The following JMJD1C variants were observed in gnomAD, a reference collection of about 807,000 sequenced individuals.
The protein encoded by JMJD1C is jumonji domain containing 1C, also known as jumonji domain-containing protein 1C.
JMJD1C carries 31 observed loss-of-function variants against 245.3 expected under a neutral mutation model. That is an observed-to-expected ratio of 0.13 (90% CI 0.09 to 0.17). The LOEUF (loss-of-function observed/expected upper bound fraction) is 0.17, where lower values mean the gene tolerates loss of function less well. Ranked by LOEUF, JMJD1C falls within the 10% of genes least tolerant of loss-of-function variation. JMJD1C has a pLI of 1.00. For synonymous variants in JMJD1C, 1,057 were observed against 1,017.4 expected, an observed-to-expected ratio of 1.04 and a Z score of -0.74; for missense variants, 2,691 against 3,000.2, an observed-to-expected ratio of 0.90 and a Z score of 2.41.
chr10:63,288,537 T>C (rs1489398057), intron 2 of JMJD1C, among the ~76,000 whole-genome samples: 1 of 152,248 alleles, frequency 6.6e-6, no homozygotes, highest in East Asian at 1.9e-4. Context: ...TCTTATGGTC[T>C]AATCTGTTCA....
chr10:63,305,393 T>G (rs1185088408), intron 2 of JMJD1C, among the ~76,000 whole-genome samples: 5 of 138,310 alleles, frequency 3.6e-5, no homozygotes, highest in East Asian at 2.3e-4. Flanking sequence ...ACAAAAAAGG[T>G]TGCAGTGAGC....
At chr10:63,197,333 AC>A in intron 13 of JMJD1C, 77 bp downstream of exon 13, 1 of 1,242,322 alleles carries the variant, frequency 8.0e-7, no homozygotes, top group South Asian at 1.4e-5. Flanking sequence ...GAATAAAAAA[AC>A]ACATCTCATG....
intron 1 of JMJD1C, among the ~76,000 whole-genome samples, chr10:63,513,688 G>A (rs1286007782): frequency 3.9e-5 from 6 of 152,042 alleles, no homozygotes; most frequent in South Asian, 2.1e-4. Flanking sequence ...CGAGACAGGC[G>A]GATCATGAGG....
chr10:63,380,154 G>A (rs1056160577), intron 2 of JMJD1C, 164 bp downstream of exon 2: 1 of 579,784 alleles, frequency 1.7e-6, no homozygotes, highest in Non-Finnish European at 3.0e-6. Context: ...TTTTTGCCCA[G>A]GCTGATCTCC....
chr10:63,451,888 T>C (rs755811499), intron 1 of JMJD1C, among the ~76,000 whole-genome samples: 2 of 152,118 alleles, frequency 1.3e-5, no homozygotes, highest in Non-Finnish European at 2.9e-5. Flanking sequence ...GATTAACAGA[T>C]GTAAGAAAAT....
chr10:63,214,924 T>C lies in JMJD1C; in HGVS notation c.1243A>G (p.Lys415Glu), dbSNP rs1417221672. 1 of 1,608,386 alleles carries C rather than the reference T, an allele frequency of 6.2e-7. No homozygotes were observed. The highest frequency in any genetic ancestry group is 8.5e-7 in the Non-Finnish European group (1 of 1,177,130). ...NTSKINGEEG[K>E]PHNNEKAGEE... The stretch of plus-strand genomic sequence containing the variant: ...CCTGCCTTCTCATTATTATGGGGTT[T>C]TCCTTCTTCTCCATTTATTTTTGAA... The change falls in exon 8 of 26, where the codon AAA becomes GAA. Residue 415 changes from lysine to glutamate, a missense_variant. This residue lies in a region of JMJD1C where 1,562 missense variants were observed against 1,490.7 expected (regional missense o/e 1.05). Coordinates refer to ENST00000399262, the MANE Select transcript of JMJD1C (RefSeq NM_032776.3).
At position 63,214,874 on chromosome 10, in the gene JMJD1C, C is replaced by A; in HGVS notation, c.1293G>T (p.Gln431His). 6.2e-7 allele frequency: 1 copy of A among 1,613,928 alleles called. No homozygotes were observed. The highest frequency in any genetic ancestry group is 8.5e-7 in the Non-Finnish European group (1 of 1,179,962). The part of the protein sequence containing the change: ...KAGEETLKNS[Q>H]PPWDQIQEDK... ...CTTCCTGTATTTGATCCCAGGGAGG[C>A]TGGCTATTTTTTAGGGTCTCTTCTC... is the stretch of plus-strand genomic sequence containing the variant. Residue 431 changes from glutamine to histidine, a missense_variant, in exon 8 of 26, where the codon CAG becomes CAT. Gln to His is a conservative substitution (Grantham distance 24, BLOSUM62 0). This residue lies in a region of JMJD1C where 1,562 missense variants were observed against 1,490.7 expected (regional missense o/e 1.05). Transcript: ENST00000399262.
At chr10:63,360,487 T>C (rs1163885641) in intron 2 of JMJD1C, among the ~76,000 whole-genome samples, 2 of 152,336 alleles carry the variant, frequency 1.3e-5, no homozygotes, top group Middle Eastern at 3.4e-3. Context: ...GCACCTTAAT[T>C]TTAAAACTTG....
intron 2 of JMJD1C, among the ~76,000 whole-genome samples, chr10:63,317,536 TAC>T (rs542075558): frequency 2.6e-5 from 4 of 151,406 alleles, no homozygotes; most frequent in East Asian, 1.9e-4. Context: ...CTAAGCCTAC[TAC>T]ACACACACAC....
At chr10:63,420,483 T>G (rs888682462) in intron 1 of JMJD1C, among the ~76,000 whole-genome samples, 2 of 151,610 alleles carry the variant, frequency 1.3e-5, no homozygotes, top group Admixed American at 6.6e-5. Context: ...GTAGCATAGA[T>G]CGCTTGAACT....
At chr10:63,397,870 A>T (rs1016337524) in intron 1 of JMJD1C, among the ~76,000 whole-genome samples, 14 of 152,202 alleles carry the variant, frequency 9.2e-5, no homozygotes, top group East Asian at 1.9e-4. Context: ...ACCATAAGAG[A>T]GTGAAAGTTA....
At chr10:63,347,066 A>T (rs924530686) in intron 2 of JMJD1C, among the ~76,000 whole-genome samples, 1 of 124,510 alleles carries the variant, frequency 8.0e-6, no homozygotes, top group African/African-American at 3.1e-5. Context: ...AAATGAAAAG[A>T]ATTTTTTTTT....
intron 2 of JMJD1C, among the ~76,000 whole-genome samples, chr10:63,286,438 T>C (rs1564735982): frequency 1.3e-5 from 2 of 152,338 alleles, no homozygotes; most frequent in East Asian, 3.9e-4. Flanking sequence ...ACACCTGGCC[T>C]AGAGTGAATA....
rs377741752 is a variant in JMJD1C at position 63,445,762 on chromosome 10, T to C, written c.168+19733A>G. Among the ~76,000 whole-genome samples, 14 of 150,814 alleles carry C rather than the reference T, an allele frequency of 9.3e-5. No homozygotes were observed. In the South Asian group the frequency reaches 2.7e-3, roughly 29 times the overall value. ...TAACTAGTTAAGTGACTACTAGAAA[T>C]AGACTCAACAGACTCTTAAGAGGAA... On this transcript the variant is annotated intron_variant, in intron 1 of 25. Coordinates refer to ENST00000399262, the MANE Select transcript of JMJD1C (RefSeq NM_032776.3).
intron 1 of JMJD1C, among the ~76,000 whole-genome samples, chr10:63,511,547 TA>T (rs1954871704): frequency 6.6e-6 from 1 of 152,032 alleles, no homozygotes; most frequent in Non-Finnish European, 1.5e-5. Context: ...CCGTCTCTAC[TA>T]AAAATACAAA....
intron 2 of JMJD1C, among the ~76,000 whole-genome samples, chr10:63,282,758 C>G (rs1398769707): frequency 6.6e-6 from 1 of 152,178 alleles, no homozygotes; most frequent in Non-Finnish European, 1.5e-5. Context: ...GCTCTATCGC[C>G]CAGGCTGGAG....
intron 3 of JMJD1C, among the ~76,000 whole-genome samples, chr10:63,257,941 T>C (rs867402744): frequency 3.3e-5 from 5 of 152,194 alleles, no homozygotes; most frequent in African/African-American, 1.2e-4. Flanking sequence ...AAAAAAATGC[T>C]AAGAGTTCTA....
intron 5 of JMJD1C, among the ~76,000 whole-genome samples, chr10:63,216,979 A>G (rs554214358): frequency 1.1e-4 from 17 of 152,326 alleles, no homozygotes; most frequent in Admixed American, 9.8e-4. Context: ...TAATGCCTCT[A>G]TTTTAGGAAC....
intron 2 of JMJD1C, among the ~76,000 whole-genome samples, chr10:63,333,765 A>C (rs572758475): frequency 4.6e-5 from 7 of 152,320 alleles, no homozygotes; most frequent in Admixed American, 2.0e-4. Context: ...CTTCTACACT[A>C]TCTCTTCATT....
Sources: allele counts gnomAD v4.1 joint callset (sites outside exome capture counted in the v4.1 genomes callset), GRCh38; gene constraint gnomAD v4.1.1; regional missense constraint gnomAD v4.1.1; transcripts MANE v1.5; gene names NCBI Gene and HGNC (gene_info 2026-07-23, HGNC 2026-07-21).